Variants in FER observed in about 807,000 individuals in gnomAD.
FER encodes FER tyrosine kinase.
Under a neutral mutation model 111.0 loss-of-function variants are expected in FER, and 63 were observed. The observed-to-expected ratio is 0.57, with a 90% confidence interval of 0.46 to 0.70. The LOEUF (loss-of-function observed/expected upper bound fraction) is 0.70, where lower values mean the gene tolerates loss of function less well. Ranked by LOEUF, FER falls within the 30% of genes least tolerant of loss-of-function variation. FER has a pLI of 0.00. For synonymous variants in FER, 327 were observed against 313.9 expected (o/e 1.04, Z -0.44); for missense variants, 914 against 954.0 (o/e 0.96, Z 0.55).
intron 9 of FER, chr5:108,894,470 CAT>C (rs1251108903): frequency 4.9e-6 from 2 of 406,054 alleles, no homozygotes; most frequent in Non-Finnish European, 9.4e-6. Context: ...TCACTGATAA[CAT>C]GTGAGGATAT....
intron 18 of FER, among the ~76,000 whole-genome samples, chr5:109,181,999 C>T (rs180786275): frequency 2.2e-3 from 342 of 152,290 alleles, no homozygotes; most frequent in Non-Finnish European, 4.2e-3. Context: ...TGGAATTATA[C>T]GGTATGCGAT....
intron 17 of FER, among the ~76,000 whole-genome samples, chr5:109,111,927 A>G (rs1749670509): frequency 6.6e-6 from 1 of 152,134 alleles, no homozygotes; most frequent in South Asian, 2.1e-4. Flanking sequence ...ATAACTTAGA[A>G]TGGTTACTGT....
intron 14 of FER, among the ~76,000 whole-genome samples, chr5:109,043,857 G>A (rs1343397441): frequency 2.6e-5 from 4 of 151,974 alleles, no homozygotes; most frequent in Non-Finnish European, 5.9e-5. Context: ...TGTAGTCCCA[G>A]CTACTCGGGA....
At chr5:109,132,061 C>G (rs1752414644) in intron 17 of FER, among the ~76,000 whole-genome samples, 1 of 152,144 alleles carries the variant, frequency 6.6e-6, no homozygotes, top group Non-Finnish European at 1.5e-5. Flanking sequence ...ATGCAACAAG[C>G]AGTTACTTTT....
At chr5:108,830,435 T>C (rs13354622) in intron 3 of FER, among the ~76,000 whole-genome samples, 34,723 of 152,158 alleles carry the variant, frequency 0.23, 4,146 homozygotes, top group African/African-American at 0.28. Context: ...GCCTAGGTGA[T>C]GGAGCAAGAC....
At chr5:108,867,216 A>G (rs898169715) in intron 5 of FER, among the ~76,000 whole-genome samples, 1 of 152,174 alleles carries the variant, frequency 6.6e-6, no homozygotes, top group Non-Finnish European at 1.5e-5. Flanking sequence ...TCAGCTAATA[A>G]TATTCATTGA....
intron 7 of FER, 30 bp downstream of exon 7, chr5:108,871,532 T>G (rs1297612815): frequency 6.6e-7 from 1 of 1,519,926 alleles, no homozygotes; most frequent in Non-Finnish European, 8.9e-7. Flanking sequence ...CTTTAAGGAT[T>G]TATGACAGTA....
At chr5:108,936,647 T>G (rs1431706198) in intron 10 of FER, among the ~76,000 whole-genome samples, 2 of 151,980 alleles carry the variant, frequency 1.3e-5, no homozygotes, top group African/African-American at 4.8e-5. Context: ...TTGATAAAAA[T>G]TAAGCCCTGG....
At chr5:109,072,738 A>G (rs1581908172) in intron 16 of FER, among the ~76,000 whole-genome samples, 5 of 152,196 alleles carry the variant, frequency 3.3e-5, no homozygotes, top group African/African-American at 1.2e-4. Context: ...ACAAAATATC[A>G]CAAACTATGT....
At chr5:108,766,753 T>C (rs1440346338) in intron 1 of FER, among the ~76,000 whole-genome samples, 2 of 152,094 alleles carry the variant, frequency 1.3e-5, no homozygotes, top group Non-Finnish European at 2.9e-5. Context: ...GAGGAAATGA[T>C]GGGAGACAGA....
intron 16 of FER, among the ~76,000 whole-genome samples, chr5:109,099,202 G>A (rs1747904133): frequency 6.6e-6 from 1 of 151,402 alleles, no homozygotes; most frequent in Non-Finnish European, 1.5e-5. Flanking sequence ...AAACTATAAA[G>A]TAACTAAAAA....
intron 10 of FER, among the ~76,000 whole-genome samples, chr5:108,898,498 CTT>C (rs1311473137): frequency 7.0e-6 from 1 of 143,544 alleles, no homozygotes; most frequent in Non-Finnish European, 1.5e-5. Flanking sequence ...TTTCCTTCCT[CTT>C]TCTCTCTCCT....
chr5:108,983,371 G>A (rs1196193097), intron 13 of FER, among the ~76,000 whole-genome samples: 7 of 151,928 alleles, frequency 4.6e-5, no homozygotes, highest in South Asian at 2.1e-4. Flanking sequence ...TTACTTTACT[G>A]TATGCTTCCT....
chr5:108,909,670 A>G (rs984120454), intron 10 of FER, among the ~76,000 whole-genome samples: 1 of 151,770 alleles, frequency 6.6e-6, no homozygotes, highest in African/African-American at 2.4e-5. Context: ...GTGATGTTAG[A>G]AAAAAAACAT....
chr5:108,771,846 A>G (rs528450854), intron 2 of FER, among the ~76,000 whole-genome samples: 1 of 152,368 alleles, frequency 6.6e-6, no homozygotes, highest in East Asian at 1.9e-4. Context: ...ACATAATCAC[A>G]GTACCAATAT....
At chr5:108,972,024 A>G (rs1268511274) in intron 13 of FER, among the ~76,000 whole-genome samples, 1 of 151,944 alleles carries the variant, frequency 6.6e-6, no homozygotes, top group African/African-American at 2.4e-5. Context: ...ATAAATTATC[A>G]GTTCAAAATT....
In FER at chr5:109,171,446, T is replaced by A. The variant is rs78552494; in HGVS notation, c.2049-9301T>A. Among the ~76,000 whole-genome samples, 909 of 152,316 alleles carry A rather than the reference T, an allele frequency of 6.0e-3. 4 individuals carry two copies. Among genetic ancestry groups the A allele is most frequent in the Non-Finnish European group, 6.3e-3 (426 of 68,022 alleles). Reference sequence around the variant, plus strand: ...TATTTAGTGTACAGATTAGTATGCATGAAGTTGAGTATTGAAAGAGCATGG... The same window carrying A: ...TATTTAGTGTACAGATTAGTATGCAAGAAGTTGAGTATTGAAAGAGCATGG... On this transcript the variant is annotated intron_variant, in intron 17 of 19. Coordinates refer to ENST00000281092, the MANE Select transcript of FER (RefSeq NM_005246.4).
chr5:108,867,841 G>T lies in FER; in HGVS notation c.556G>T (p.Val186Leu). ...ACTTCATATGTTGCACAATCAGTAT[G>T]TATTGGCGTTGAAAGGGGCACAGCT... The part of the protein sequence containing the change: ...MKLHMLHNQY[V>L]LALKGAQLHQ... Residue 186 changes from valine to leucine, a missense_variant, in exon 6 of 20, where the codon GTA (valine) becomes TTA (leucine). Transcript: ENST00000281092. 6.2e-7 allele frequency: 1 copy of T among 1,612,842 alleles called. No homozygotes were observed.
intron 13 of FER, among the ~76,000 whole-genome samples, chr5:109,017,085 A>G (rs1344237647): frequency 1.3e-5 from 2 of 152,026 alleles, no homozygotes; most frequent in African/African-American, 4.8e-5. Context: ...CCAATACACC[A>G]TGTAATGAAC....
Sources: allele counts gnomAD v4.1 joint callset (sites outside exome capture counted in the v4.1 genomes callset), GRCh38; gene constraint gnomAD v4.1.1; transcripts MANE v1.5; gene names NCBI Gene and HGNC (gene_info 2026-07-23, HGNC 2026-07-21).